Variants in DYNC1LI1 observed in about 807,000 individuals in gnomAD.
DYNC1LI1 encodes the protein cytoplasmic dynein 1 light intermediate chain 1.
Under a neutral mutation model 63.8 loss-of-function variants are expected in DYNC1LI1, and 19 were observed. The observed-to-expected ratio is 0.30, with a 90% CI of 0.21 to 0.44. The LOEUF (loss-of-function observed/expected upper bound fraction) is 0.44, where lower values mean the gene tolerates loss of function less well. Ranked by LOEUF, DYNC1LI1 falls within the 20% of genes least tolerant of loss-of-function variation. The probability of loss-of-function intolerance (pLI) is 1.00; values close to 1 mark genes in which losing one functional copy is unlikely to be tolerated. For missense variants in DYNC1LI1, 565 were observed against 630.2 expected, an observed-to-expected ratio of 0.90 and a Z score of 1.11; for synonymous variants, 225 against 232.3, an observed-to-expected ratio of 0.97 and a Z score of 0.28.
chr3:32,560,602 C>T (rs559056761), intron 2 of DYNC1LI1, among the ~76,000 whole-genome samples: 1 of 152,226 alleles, frequency 6.6e-6, no homozygotes, highest in East Asian at 1.9e-4. Context: ...GGCCAAAGCC[C>T]TACCTTTGGA....
At chr3:32,558,843 T>C (rs1698151273) in intron 2 of DYNC1LI1, among the ~76,000 whole-genome samples, 1 of 134,264 alleles carries the variant, frequency 7.4e-6, no homozygotes, top group Non-Finnish European at 1.6e-5. Flanking sequence ...CAAAACTCCA[T>C]CTCAAAAAAA....
intron 2 of DYNC1LI1, among the ~76,000 whole-genome samples, chr3:32,559,509 G>A (rs1356824872): frequency 6.6e-6 from 1 of 152,098 alleles, no homozygotes. Flanking sequence ...AAAATGCTGA[G>A]ATTATAGGCG....
chr3:32,552,651 G>A (rs778900704), intron 2 of DYNC1LI1, among the ~76,000 whole-genome samples: 8 of 152,126 alleles, frequency 5.3e-5, no homozygotes, highest in South Asian at 2.1e-4. Context: ...TGTGACAAAC[G>A]TGCCTATTAT....
intron 4 of DYNC1LI1, among the ~76,000 whole-genome samples, chr3:32,544,156 A>G (rs1697920368): frequency 6.6e-6 from 1 of 152,218 alleles, no homozygotes; most frequent in Non-Finnish European, 1.5e-5. Context: ...TCCAATTCAC[A>G]TAGGCATGTA....
At position 32,541,118 on chromosome 3, in the gene DYNC1LI1, T is replaced by G. The variant is rs1697874731; in HGVS notation, c.657A>C (p.Lys219Asn). ...QRRNTASQED[K>N]DDSVVLPLGA... ...CCAGAGGTAAAACTACACTGTCATC[T>G]TTGTCTTCTTGTGACGCAGTATTTC... Residue 219 changes from lysine (K) to asparagine (N), a missense_variant, in exon 5 of 13, where the codon AAA becomes AAC. Physicochemically the swap from Lys to Asn is moderately conservative, Grantham distance 94. Coordinates refer to ENST00000273130, the MANE Select transcript of DYNC1LI1 (RefSeq NM_016141.4). 1.2e-6 allele frequency: 2 copies of G among 1,613,672 alleles called. No homozygotes were observed. The highest frequency in any genetic ancestry group is 2.2e-5 in the South Asian group (2 of 91,052).
At chr3:32,557,261 A>G (rs1698127196) in intron 2 of DYNC1LI1, among the ~76,000 whole-genome samples, 1 of 152,234 alleles carries the variant, frequency 6.6e-6, no homozygotes, top group African/African-American at 2.4e-5. Context: ...TAGGCCTGTA[A>G]TCCCAACACT....
At position 32,528,617 on chromosome 3, in the gene DYNC1LI1, A is replaced by G. The variant is rs1278686773; in HGVS notation, c.1307-16T>C. 6.3e-7 allele frequency: 1 copy of G among 1,586,054 alleles called. No homozygotes were observed. The highest frequency in any genetic ancestry group is 8.5e-7 in the Non-Finnish European group (1 of 1,171,364). On this transcript the variant is annotated splice_polypyrimidine_tract_variant and intron_variant, in intron 11 of 12. Transcript: ENST00000273130. Reference sequence around the variant, plus strand: ...GTAGCTCCAGCTATAAAAAAATAAAAAAACAAAAAGCTTTAGCCAAAACAT... The same window carrying G: ...GTAGCTCCAGCTATAAAAAAATAAAGAAACAAAAAGCTTTAGCCAAAACAT...
chr3:32,544,065 C>G (rs1697919061), intron 4 of DYNC1LI1, among the ~76,000 whole-genome samples: 1 of 151,544 alleles, frequency 6.6e-6, no homozygotes. Context: ...GACCCTGACT[C>G]AAAAATAAAA....
intron 5 of DYNC1LI1, 59 bp downstream of exon 5, chr3:32,540,978 A>T: frequency 2.2e-6 from 3 of 1,376,252 alleles, no homozygotes; most frequent in Non-Finnish European, 2.9e-6. Flanking sequence ...CCTGGAAAAC[A>T]AAACAGTTGT....
intron 2 of DYNC1LI1, among the ~76,000 whole-genome samples, chr3:32,556,173 CT>C (rs1559442707): frequency 6.6e-6 from 1 of 152,196 alleles, no homozygotes; most frequent in Non-Finnish European, 1.5e-5. Context: ...TCACTTCTCT[CT>C]GGAACACTCT....
chr3:32,550,338 G>C (rs1698016370), intron 2 of DYNC1LI1, among the ~76,000 whole-genome samples: 1 of 152,220 alleles, frequency 6.6e-6, no homozygotes, highest in Non-Finnish European at 1.5e-5. Flanking sequence ...GGCTGAGGCA[G>C]GAGAATCGCT....
chr3:32,529,008 ACAG>A (rs2125428524), intron 11 of DYNC1LI1, among the ~76,000 whole-genome samples: 1 of 152,328 alleles, frequency 6.6e-6, no homozygotes, highest in South Asian at 2.1e-4. Flanking sequence ...TAAACAATTC[ACAG>A]AAGAGAAACA....
At chr3:32,546,840 G>T (rs1697961418) in intron 2 of DYNC1LI1, among the ~76,000 whole-genome samples, 1 of 152,148 alleles carries the variant, frequency 6.6e-6, no homozygotes, top group Non-Finnish European at 1.5e-5. Flanking sequence ...GCAAGAAAAA[G>T]TGTAGGGGGG....
rs149201339 is a variant in DYNC1LI1 at position 32,534,377 on chromosome 3, A to G, written c.968+134T>C. ...CAAGACAGGTTATAAACAAAAAACA[A>G]TCTAGGAACAGATAGATTCTCACTT... On this transcript the variant is annotated intron_variant, in intron 7 of 12. Coordinates refer to ENST00000273130, the MANE Select transcript of DYNC1LI1 (RefSeq NM_016141.4). The G allele has an allele frequency of 1.2e-4, 80 of 670,622 alleles. 1 individual carries two copies. The African/African-American group carries it at 1.2e-3, about 10-fold the overall frequency. 41.5% of individuals were successfully genotyped at this position (670,622 alleles called of 1,614,324 possible). A position where few individuals can be genotyped will look rare whatever the true frequency, so the allele number is the denominator to read the frequency against.
At chr3:32,534,478 A>G in intron 7 of DYNC1LI1, 33 bp downstream of exon 7, 3 of 1,456,818 alleles carry the variant, frequency 2.1e-6, no homozygotes, top group Non-Finnish European at 1.9e-6. Context: ...GCAATAATAC[A>G]TGATAAAATT....
intron 2 of DYNC1LI1, among the ~76,000 whole-genome samples, chr3:32,565,713 G>A (rs371552627): frequency 1.3e-5 from 2 of 152,022 alleles, no homozygotes; most frequent in Non-Finnish European, 2.9e-5. Context: ...TGGTTCAAGC[G>A]AGTCTCCTGC....
At chr3:32,548,055 A>G (rs1413795598) in intron 2 of DYNC1LI1, among the ~76,000 whole-genome samples, 1 of 152,092 alleles carries the variant, frequency 6.6e-6, no homozygotes, top group Admixed American at 6.6e-5. Flanking sequence ...AATACTATTT[A>G]GCCTCAAAGA....
intron 5 of DYNC1LI1, among the ~76,000 whole-genome samples, chr3:32,538,048 A>ATAAT (rs1697820996): frequency 1.2e-4 from 4 of 34,782 alleles, no homozygotes; most frequent in Non-Finnish European, 1.4e-4. Context: ...TATATATATA[A>ATAAT]TTATATATAT....
chr3:32,552,801 G>A lies in DYNC1LI1; in HGVS notation c.221-6836C>T, dbSNP rs138131927. Among the ~76,000 whole-genome samples, 66 of 152,240 alleles carry A rather than the reference G, an allele frequency of 4.3e-4. No individual in the cohort carries two copies. In the East Asian group the frequency reaches 0.011, roughly 24 times the overall value. On this transcript the variant is annotated intron_variant, in intron 2 of 12. Transcript: ENST00000273130. ...GCTCACTGCAACCTCCACCTCCCAGGTTCAAGTAATTCTCCTGCCTCAGCC... is the reference window on the plus strand; with the variant it reads ...GCTCACTGCAACCTCCACCTCCCAGATTCAAGTAATTCTCCTGCCTCAGCC...
Sources: gnomAD v4.1 joint callset for allele counts (sites outside exome capture counted in the v4.1 genomes callset) on GRCh38, gnomAD v4.1.1 for gene constraint, MANE v1.5 for transcripts, NCBI Gene and HGNC (gene_info 2026-07-23, HGNC 2026-07-21) for gene names.